Variants in CNBD1 observed in about 807,000 individuals in gnomAD.
CNBD1 encodes cyclic nucleotide binding domain containing 1.
Under a neutral mutation model 54.4 loss-of-function variants are expected in CNBD1, and 71 were observed. The ratio of observed to expected loss-of-function variants is 1.30; its 90% CI spans 1.08 to 1.59. The LOEUF (loss-of-function observed/expected upper bound fraction) is 1.59. Ranked by LOEUF, CNBD1 falls within the 40% of genes most tolerant of loss-of-function variation. The probability of loss-of-function intolerance (pLI) is 0.00; values close to 1 mark genes in which losing one functional copy is unlikely to be tolerated. For missense variants in CNBD1, 659 were observed against 518.0 expected (o/e 1.27, Z -2.64); for synonymous variants, 182 against 170.7 (o/e 1.07, Z -0.51).
rs182666554 is a variant in CNBD1 at position 87,339,719 on chromosome 8, A to G, written c.1043-11966A>G. On this transcript the variant is annotated intron_variant, in intron 8 of 10. Transcript: ENST00000518476. ...TTCCTTTGGTTACTGTGGGGCTTACATAAAACACCTTATAGTTATAACTGT... is the reference window on the plus strand; with the variant it reads ...TTCCTTTGGTTACTGTGGGGCTTACGTAAAACACCTTATAGTTATAACTGT... Among the ~76,000 whole-genome samples the G allele has an allele frequency of 3.9e-3, 594 of 152,252 alleles. 8 individuals are homozygous for G. Among genetic ancestry groups the G allele is most frequent in the African/African-American group, 0.013 (560 of 41,564 alleles).
chr8:87,214,605 G>A (rs1053062445), intron 5 of CNBD1, among the ~76,000 whole-genome samples: 3 of 152,082 alleles, frequency 2.0e-5, no homozygotes, highest in African/African-American at 7.2e-5. Flanking sequence ...TTATTAGTCT[G>A]TTCTTAAGCT....
chr8:87,307,391 A>T (rs1197631739), intron 8 of CNBD1, among the ~76,000 whole-genome samples: 3 of 152,176 alleles, frequency 2.0e-5, no homozygotes, highest in Non-Finnish European at 4.4e-5. Context: ...TATTTGGCAG[A>T]TTTGTAAAAT....
rs548152061 is a variant in CNBD1, at chr8:87,302,787, G to A, written c.1042+16116G>A. On this transcript the variant is annotated intron_variant, in intron 8 of 10. Coordinates refer to ENST00000518476, the MANE Select transcript of CNBD1 (RefSeq NM_173538.3). The stretch of plus-strand genomic sequence containing the variant: ...TAAGCTGATAGGCAACTTCAGCAAA[G>A]TCTCAGGTTACAAAATCAATGTGCA... Among the ~76,000 whole-genome samples the A allele has an allele frequency of 1.3e-3, 204 of 152,050 alleles. 4 individuals carry two copies. In the South Asian group the frequency reaches 0.021, roughly 16 times the overall value.
At chr8:87,353,890 G>C (rs1030925920) in intron 10 of CNBD1, 104 bp downstream of exon 10, 22 of 742,318 alleles carry the variant, frequency 3.0e-5, no homozygotes, top group Non-Finnish European at 4.0e-5. Context: ...TTATTAAATT[G>C]GGGTTCACCT....
At chr8:87,419,340 T>G (rs924387078) in intron 2 of CNBD1, among the ~76,000 whole-genome samples, 2 of 151,852 alleles carry the variant, frequency 1.3e-5, no homozygotes, top group Admixed American at 1.3e-4. Context: ...GGTACAGTAT[T>G]TATCTTCAGT....
intron 8 of CNBD1, among the ~76,000 whole-genome samples, chr8:87,348,221 T>A (rs945887599): frequency 6.6e-6 from 1 of 152,170 alleles, no homozygotes; most frequent in East Asian, 1.9e-4. Flanking sequence ...CAGATGCACT[T>A]ATCTTTAAGA....
At chr8:87,251,642 G>A (rs1019410559) in intron 6 of CNBD1, among the ~76,000 whole-genome samples, 1 of 149,952 alleles carries the variant, frequency 6.7e-6, no homozygotes, top group East Asian at 1.9e-4. Context: ...CTTTTGTCTA[G>A]GTACCATTTA....
chr8:87,374,710 T>G (rs373003777), intron 10 of CNBD1, among the ~76,000 whole-genome samples: 1 of 151,854 alleles, frequency 6.6e-6, no homozygotes, highest in Non-Finnish European at 1.5e-5. Flanking sequence ...GATTTTTCCA[T>G]GATCTCACTC....
intron 4 of CNBD1, among the ~76,000 whole-genome samples, chr8:86,979,764 C>T (rs1426960658): frequency 6.6e-6 from 1 of 152,102 alleles, no homozygotes; most frequent in Middle Eastern, 3.2e-3. Flanking sequence ...CTTCTACAAA[C>T]ATTATGTCAA....
At chr8:87,284,905 G>C (rs1314209718) in intron 7 of CNBD1, 90 bp downstream of exon 7, 1 of 908,716 alleles carries the variant, frequency 1.1e-6, no homozygotes, top group Non-Finnish European at 1.6e-6. Context: ...AGCTATATCT[G>C]TTTTATTTTT....
At chr8:87,392,348 T>A (rs1315634629) in intron 2 of CNBD1, among the ~76,000 whole-genome samples, 1 of 152,068 alleles carries the variant, frequency 6.6e-6, no homozygotes, top group Non-Finnish European at 1.5e-5. Flanking sequence ...CAAAATCTTG[T>A]ACATGAATTA....
rs1050723974 is a variant in CNBD1, at chr8:87,240,496, T to C, written c.771+3384T>C. 1.1e-4 allele frequency among the ~76,000 whole-genome samples: 17 copies of C among 152,310 alleles called. 1 individual carries two copies. Among genetic ancestry groups the C allele is most frequent in the African/African-American group, 3.6e-4 (15 of 41,576 alleles). On this transcript the variant is annotated intron_variant, in intron 6 of 10. Coordinates refer to ENST00000518476, the MANE Select transcript of CNBD1 (RefSeq NM_173538.3). ...CAATCAGATCCTAGGTATTAATGAA[T>C]AACCTCACTCTTTTTGGTCTTACAA...
chr8:87,057,434 G>A (rs910629352), intron 4 of CNBD1, among the ~76,000 whole-genome samples: 13 of 152,080 alleles, frequency 8.5e-5, no homozygotes, highest in African/African-American at 2.9e-4. Flanking sequence ...ACTTCCCACT[G>A]GGCCCCTGCC....
intron 4 of CNBD1, among the ~76,000 whole-genome samples, chr8:87,051,579 C>T (rs1488554410): frequency 6.6e-6 from 1 of 152,146 alleles, no homozygotes; most frequent in Non-Finnish European, 1.5e-5. Flanking sequence ...TATAGATTAA[C>T]TAAAAATATT....
intron 2 of CNBD1, among the ~76,000 whole-genome samples, chr8:87,417,646 G>A (rs1807858858): frequency 6.6e-6 from 1 of 151,694 alleles, no homozygotes; most frequent in Admixed American, 6.6e-5. Context: ...TGGCAATATT[G>A]CAATATGCAT....
At chr8:87,226,520 G>C (rs1384617284) in intron 5 of CNBD1, among the ~76,000 whole-genome samples, 3 of 146,644 alleles carry the variant, frequency 2.0e-5, no homozygotes, top group Non-Finnish European at 3.0e-5. Flanking sequence ...TTCAGGAGCA[G>C]GTTGTTCAGT....
chr8:87,338,008 T>C (rs7837818), intron 8 of CNBD1, among the ~76,000 whole-genome samples: 57,955 of 151,988 alleles, frequency 0.38, 11,330 homozygotes, highest in Middle Eastern at 0.46. Context: ...CCTAATTTTA[T>C]TATTTTATAT....
At chr8:86,921,364 A>G (rs536949459) in intron 3 of CNBD1, among the ~76,000 whole-genome samples, 1 of 152,188 alleles carries the variant, frequency 6.6e-6, no homozygotes, top group East Asian at 1.9e-4. Flanking sequence ...AGTCAGCCCT[A>G]TAGTTATTGT....
intron 5 of CNBD1, among the ~76,000 whole-genome samples, chr8:87,219,896 A>T (rs1002041855): frequency 5.9e-5 from 9 of 151,968 alleles, no homozygotes; most frequent in East Asian, 5.8e-4. Context: ...ATCTTAATAG[A>T]TGTCCATTCA....
Sources: gnomAD v4.1 joint callset for allele counts (sites outside exome capture counted in the v4.1 genomes callset) on GRCh38, gnomAD v4.1.1 for gene constraint, MANE v1.5 for transcripts, NCBI Gene and HGNC (gene_info 2026-07-23, HGNC 2026-07-21) for gene names.